SNUPN: variants seen among roughly 807,000 people sequenced by gnomAD.
SNUPN encodes snurportin-1.
A neutral mutation model predicts 39.2 loss-of-function variants in SNUPN; 31 were observed. That is an observed-to-expected ratio of 0.79 (90% CI 0.59 to 1.07). SNUPN has a LOEUF of 1.07. Among genes scored for constraint, SNUPN ranks in the 50% least tolerant of loss-of-function variants. SNUPN has a pLI of 0.00. For missense variants in SNUPN, 382 were observed against 434.2 expected (o/e 0.88, Z 1.07); for synonymous variants, 132 against 159.0 (o/e 0.83, Z 1.28).
chr15:75,618,786 G>C (rs1238832356), intron 2 of SNUPN, among the ~76,000 whole-genome samples: 1 of 152,058 alleles, frequency 6.6e-6, no homozygotes, highest in Admixed American at 6.6e-5. Flanking sequence ...ATGTGTGAAA[G>C]AAAGTCTGTC....
At chr15:75,624,127 C>T (rs1358551259) in intron 1 of SNUPN, among the ~76,000 whole-genome samples, 1 of 147,962 alleles carries the variant, frequency 6.8e-6, no homozygotes, top group Non-Finnish European at 1.5e-5. Context: ...CGGGGTTTCA[C>T]CGTTTTAGCC....
chr15:75,601,111 A>G (rs748470836), intron 8 of SNUPN, 27 bp downstream of exon 8: 1 of 1,514,410 alleles, frequency 6.6e-7, no homozygotes, highest in South Asian at 1.1e-5. Flanking sequence ...CATCATGTCA[A>G]GGCAATAAAG....
chr15:75,620,753 C>G (rs569475513), intron 2 of SNUPN, 141 bp downstream of exon 2: 1 of 717,954 alleles, frequency 1.4e-6, no homozygotes, highest in Non-Finnish European at 2.3e-6. Context: ...AGGATTTACC[C>G]CTCCCAACCT....
chr15:75,613,716 A>G (rs1412580861), intron 3 of SNUPN, among the ~76,000 whole-genome samples: 1 of 152,106 alleles, frequency 6.6e-6, no homozygotes, highest in East Asian at 1.9e-4. Flanking sequence ...GGAAATACAA[A>G]TCAAAACCAC....
chr15:75,613,210 G>A (rs1263225742), intron 3 of SNUPN, among the ~76,000 whole-genome samples: 1 of 123,226 alleles, frequency 8.1e-6, no homozygotes, highest in East Asian at 2.6e-4. Flanking sequence ...AGTGAGCCAA[G>A]ATCGCGTCAC....
At position 75,601,133 on chromosome 15, in the gene SNUPN, G is replaced by T. The variant is rs75771658; in HGVS notation, c.759+5C>A. On this transcript the variant is annotated splice_donor_5th_base_variant and intron_variant, in intron 8 of 8. Coordinates refer to ENST00000308588, the MANE Select transcript of SNUPN (RefSeq NM_005701.4). ...TCAAGGCAATAAAGACAATGGTTTC[G>T]TTACCTCAAAAGGGAAATCCATAGA... The T allele has an allele frequency of 2.1e-5, 33 of 1,608,280 alleles. No individual in the cohort carries two copies. The East Asian group carries it at 5.6e-4, about 27-fold the overall frequency.
intron 3 of SNUPN, among the ~76,000 whole-genome samples, chr15:75,615,960 A>G (rs188911643): frequency 6.6e-6 from 1 of 152,136 alleles, no homozygotes; most frequent in Non-Finnish European, 1.5e-5. Flanking sequence ...TTCTAGGAGC[A>G]CAGGGGCTAT....
intron 1 of SNUPN, 56 bp downstream of exon 1, chr15:75,625,607 CCGG>C (rs1893207014): frequency 6.6e-6 from 1 of 152,222 alleles, no homozygotes. Context: ...GAGTCACAGT[CCGG>C]CACCGAGAGG....
chr15:75,623,954 G>C lies in SNUPN; in HGVS notation c.-6+1712C>G, dbSNP rs552193590. 4.5e-5 allele frequency among the ~76,000 whole-genome samples: 6 copies of C among 133,608 alleles called. No individual in the cohort carries two copies. The South Asian group carries it at 9.5e-4, about 21-fold the overall frequency. 87.7% of individuals were successfully genotyped at this position (133,608 alleles called of 152,430 possible). A position where few individuals can be genotyped will look rare whatever the true frequency, so the allele number is the denominator to read the frequency against. ...TTTTTTTTTTTTTTTTTGAGACGGA[G>C]TCTCGCTCTGTCGCCCAGGCTGGAG... On this transcript the variant is annotated intron_variant, in intron 1 of 8. Transcript: ENST00000308588.
Position 75,598,618 on chromosome 15 carries a change from C to T in SNUPN, c.823G>A (p.Gly275Ser). The change falls in exon 9 of 9, where the codon GGC (glycine) becomes AGC (serine). Residue 275 changes from glycine (G) to serine (S), a missense_variant. Coordinates refer to ENST00000308588, the MANE Select transcript of SNUPN (RefSeq NM_005701.4). ...GACACCATGTAGGGGCGCAGCCAGC[C>T]CACCAAGGGAGTGCTTCCGGGGCTG... ...HYSPGSTPLV[G>S]WLRPYMVSDV... 1 of 1,613,438 alleles carries T rather than the reference C, an allele frequency of 6.2e-7. No homozygotes were observed.
At chr15:75,605,116 TA>T in intron 7 of SNUPN, 33 bp downstream of exon 7, 2 of 1,382,008 alleles carry the variant, frequency 1.4e-6, no homozygotes, top group Non-Finnish European at 2.1e-6. Context: ...CTACTCCCCA[TA>T]AGGAACTCAG....
chr15:75,610,944 C>G (rs538140636), intron 3 of SNUPN, among the ~76,000 whole-genome samples: 2 of 151,948 alleles, frequency 1.3e-5, no homozygotes, highest in Non-Finnish European at 2.9e-5. Context: ...CCAAGGCGGG[C>G]GGATCACGAG....
At position 75,609,653 on chromosome 15, in the gene SNUPN, T is replaced by C. The variant is rs763610375; in HGVS notation, c.409-2A>G. On this transcript the variant is annotated splice_acceptor_variant, in intron 4 of 8. Coordinates refer to ENST00000308588, the MANE Select transcript of SNUPN (RefSeq NM_005701.4). LOFTEE classifies it high-confidence loss of function. ...CTTGGTGTAGGCACTGGTAGAACCC[T>C]GCATGGAGAGAAAGTTACCATTCTT... The C allele has an allele frequency of 6.2e-7, 1 of 1,602,620 alleles. No individual in the cohort carries two copies. The highest frequency in any genetic ancestry group is 1.7e-5 in the Admixed American group (1 of 57,832).
intron 1 of SNUPN, among the ~76,000 whole-genome samples, chr15:75,621,834 G>A (rs1038492802): frequency 1.9e-4 from 28 of 147,910 alleles, no homozygotes; most frequent in Admixed American, 8.2e-4. Flanking sequence ...TCAGGAGTTC[G>A]AAACCAGCCT....
intron 2 of SNUPN, 108 bp downstream of exon 2, chr15:75,620,786 A>T (rs1189838864): frequency 1.0e-5 from 10 of 999,666 alleles, no homozygotes; most frequent in African/African-American, 1.6e-5. Context: ...ATCAGCCTAC[A>T]AAGAGTCTAC....
At chr15:75,609,793 A>G in intron 4 of SNUPN, 97 bp downstream of exon 4, 1 of 1,180,582 alleles carries the variant, frequency 8.5e-7, no homozygotes, top group South Asian at 1.3e-5. Flanking sequence ...GCTCCACTCC[A>G]GGCACAGCTG....
chr15:75,623,941 T>TG (rs1303259525), intron 1 of SNUPN, among the ~76,000 whole-genome samples: 1 of 149,666 alleles, frequency 6.7e-6, no homozygotes, highest in Non-Finnish European at 1.5e-5. Context: ...TTTTTTTTTT[T>TG]TTTTGAGACG....
At chr15:75,618,444 A>G (rs1892990316) in intron 2 of SNUPN, among the ~76,000 whole-genome samples, 1 of 152,142 alleles carries the variant, frequency 6.6e-6, no homozygotes, top group East Asian at 1.9e-4. Flanking sequence ...TTAGTTTACA[A>G]TTTAATATAT....
chr15:75,605,398 C>G (rs2075323511), intron 6 of SNUPN, 171 bp from the exon 7 acceptor site: 1 of 431,424 alleles, frequency 2.3e-6, no homozygotes, highest in Non-Finnish European at 4.2e-6. Context: ...CCTCCGCCTC[C>G]CAAGTTCAAG....
Sources: gnomAD v4.1 joint callset for allele counts (sites outside exome capture counted in the v4.1 genomes callset) on GRCh38, gnomAD v4.1.1 for gene constraint, MANE v1.5 for transcripts, NCBI Gene and HGNC (gene_info 2026-07-23, HGNC 2026-07-21) for gene names.